Variants in LRCH2 observed in about 807,000 individuals in gnomAD.
LRCH2 encodes the protein leucine rich repeats and calponin homology domain containing 2, also known as leucine-rich repeat and calponin homology domain-containing protein 2.
LRCH2 carries 38 observed loss-of-function variants against 68.9 expected under a neutral mutation model. The ratio of observed to expected loss-of-function variants is 0.55; its 90% CI spans 0.43 to 0.72. The LOEUF is 0.72. LRCH2 is among the 30% of genes least tolerant of loss of function. LRCH2 has a pLI of 0.00. For missense variants in LRCH2, 528 were observed against 572.9 expected (o/e 0.92, Z 0.80); for synonymous variants, 191 against 208.1 (o/e 0.92, Z 0.71).
chrX:115,155,307 G>A (rs1383081200), intron 12 of LRCH2, among the ~76,000 whole-genome samples: 9 of 109,926 alleles, frequency 8.2e-5, no homozygotes, highest in African/African-American at 2.6e-4. Flanking sequence ...CCCACGTACT[G>A]CTGAAAAAAG....
At chrX:115,210,742 G>A (rs782374573) in intron 1 of LRCH2, among the ~76,000 whole-genome samples, 9 of 111,619 alleles carry the variant, frequency 8.1e-5, no homozygotes, top group African/African-American at 1.6e-4. Context: ...AAGCAGCCAG[G>A]AGGGAGGCTG....
chrX:115,153,008 T>C (rs782102446), intron 12 of LRCH2, among the ~76,000 whole-genome samples: 31 of 109,829 alleles, frequency 2.8e-4, no homozygotes, highest in Non-Finnish European at 5.7e-4. Flanking sequence ...AGCCAAAATA[T>C]CTTTCAAAAA....
In LRCH2 at chrX:115,123,374, G is replaced by A. The variant is rs782387334; in HGVS notation, c.1850-182C>T. Among the ~76,000 whole-genome samples, 5 of 111,887 alleles carry A rather than the reference G, an allele frequency of 4.5e-5. No homozygotes were observed. In the South Asian group the frequency reaches 1.5e-3, roughly 33 times the overall value. ...TTTATGTGCATAATTGAAAGCAACAGGGAAGATAAGTGTAATGATTTCTAC... is the reference window on the plus strand; with the variant it reads ...TTTATGTGCATAATTGAAAGCAACAAGGAAGATAAGTGTAATGATTTCTAC... On this transcript the variant is annotated intron_variant, in intron 17 of 20. Coordinates refer to ENST00000317135, the MANE Select transcript of LRCH2 (RefSeq NM_020871.4).
Position 115,126,826 on chromosome X carries a change from A to G in LRCH2, c.1791+17T>C. ...TACAAAACGTATTTTTAAGACAAAT[A>G]AAAACAGAACTTGTACCTCAGATGA... is the stretch of plus-strand genomic sequence containing the variant. On this transcript the variant is annotated intron_variant, in intron 16 of 20. Coordinates refer to ENST00000317135, the MANE Select transcript of LRCH2 (RefSeq NM_020871.4). 2.8e-6 allele frequency: 3 copies of G among 1,087,134 alleles called. No individual in the cohort carries two copies. Among genetic ancestry groups the G allele is most frequent in the East Asian group, 3.7e-5 (1 of 27,380 alleles). The allele number at this position is 1,087,134 out of a possible 1,213,427, so 89.6% of individuals were successfully genotyped here. A position where few individuals can be genotyped will look rare whatever the true frequency, so the allele number is the denominator to read the frequency against.
chrX:115,189,680 T>C, intron 1 of LRCH2: 1 of 1,168,349 alleles, frequency 8.6e-7, no homozygotes, highest in Non-Finnish European at 1.1e-6. Flanking sequence ...AAGGCCATCA[T>C]GGTGGCCCAG....
Position 115,113,159 on chromosome X carries a change from T to G in LRCH2, c.*57A>C, listed in dbSNP as rs2072055677. 9.8e-7 allele frequency: 1 copy of G among 1,016,646 alleles called. No homozygotes were observed. Among genetic ancestry groups the G allele is most frequent in the Admixed American group, 3.0e-5 (1 of 32,862 alleles). The allele number at this position is 1,016,646 out of a possible 1,213,427, so 83.8% of individuals were successfully genotyped here. On this transcript the variant is annotated 3_prime_UTR_variant, in exon 21 of 21. Coordinates refer to ENST00000317135, the MANE Select transcript of LRCH2 (RefSeq NM_020871.4). The stretch of plus-strand genomic sequence containing the variant: ...AATATTCTTATTCATGAATTTGAAA[T>G]ATTTGAAATCACTTCAAATAAATGA...
In LRCH2 at chrX:115,155,938, A is replaced by C. The variant is rs192708644; in HGVS notation, c.1529+664T>G. On this transcript the variant is annotated intron_variant, in intron 12 of 20. Coordinates refer to ENST00000317135, the MANE Select transcript of LRCH2 (RefSeq NM_020871.4). ...TTTATTCTAAAAGTTGTAAAGAGTC[A>C]TTAGAAGATAATAAATGGGAGTCAC... 2.2e-3 allele frequency among the ~76,000 whole-genome samples: 245 copies of C among 111,993 alleles called. 2 individuals are homozygous for C. The highest frequency in any genetic ancestry group is 2.9e-3 in the Non-Finnish European group (155 of 53,156).
At chrX:115,211,654 C>T (rs2073007884) in intron 1 of LRCH2, among the ~76,000 whole-genome samples, 1 of 111,826 alleles carries the variant, frequency 8.9e-6, no homozygotes, top group South Asian at 3.8e-4. Context: ...TGATTTTCCA[C>T]TCCTTTAACA....
intron 20 of LRCH2, 29 bp from the exon 21 acceptor site, chrX:115,113,364 T>C: frequency 1.8e-6 from 2 of 1,110,781 alleles, no homozygotes; most frequent in Non-Finnish European, 2.4e-6. Context: ...TATTTGAACA[T>C]TCATTTTTTA....
chrX:115,113,135 A>C lies in LRCH2; in HGVS notation c.*81T>G. ...CCTAAGGCAAACTATTTTTGACGGAATATTCTTATTCATGAATTTGAAATA... is the reference window on the plus strand; with the variant it reads ...CCTAAGGCAAACTATTTTTGACGGACTATTCTTATTCATGAATTTGAAATA... On this transcript the variant is annotated 3_prime_UTR_variant, in exon 21 of 21. Coordinates refer to ENST00000317135, the MANE Select transcript of LRCH2 (RefSeq NM_020871.4). The C allele has an allele frequency of 1.1e-6, 1 of 943,035 alleles. No homozygotes were observed. Among genetic ancestry groups the C allele is most frequent in the Non-Finnish European group, 1.4e-6 (1 of 708,479 alleles). 77.7% of individuals were successfully genotyped at this position (943,035 alleles called of 1,213,427 possible).
chrX:115,189,961 G>T, intron 1 of LRCH2: 1 of 1,162,782 alleles, frequency 8.6e-7, no homozygotes, highest in Non-Finnish European at 1.1e-6. Context: ...GGCTCACAGC[G>T]TTGGCTGTGG....
At position 115,184,422 on chromosome X, in the gene LRCH2, A is replaced by T. The variant is rs781971841; in HGVS notation, c.610T>A (p.Leu204Ile). The T allele has an allele frequency of 1.7e-6, 2 of 1,171,586 alleles. No homozygotes were observed. Among genetic ancestry groups the T allele is most frequent in the South Asian group, 2.0e-5 (1 of 48,908 alleles). ...IPEEIGKLKD[L>I]MELDISCNEI... is the part of the protein sequence containing the mutation. ...ACTAAGTTACTCACCAATTCCATTA[A>T]ATCTTTTAACTTCCCAATTTCTTCT... Residue 204 changes from leucine to isoleucine, a missense_variant, in exon 3 of 21, where the codon TTA (leucine) becomes ATA (isoleucine). Physicochemically the swap from Leu to Ile is conservative, Grantham distance 5. Transcript: ENST00000317135.
intron 1 of LRCH2, chrX:115,192,372 CGGA>C: frequency 4.3e-6 from 5 of 1,159,043 alleles, no homozygotes; most frequent in Non-Finnish European, 4.6e-6. Context: ...GCGACCGCTA[CGGA>C]GGAGGAGGCC....
At chrX:115,199,169 G>A (rs1407178350) in intron 1 of LRCH2, among the ~76,000 whole-genome samples, 1 of 111,624 alleles carries the variant, frequency 9.0e-6, no homozygotes, top group African/African-American at 3.3e-5. Context: ...CACAAAGGAG[G>A]AAGAAAAAGG....
chrX:115,221,938 GA>G (rs75651669), intron 1 of LRCH2, among the ~76,000 whole-genome samples: 296 of 85,688 alleles, frequency 3.5e-3, no homozygotes, highest in African/African-American at 7.3e-3. Context: ...ATATTAACAG[GA>G]AAAAAAAAAA....
At chrX:115,163,100 G>C (rs926063140) in intron 11 of LRCH2, among the ~76,000 whole-genome samples, 6 of 111,504 alleles carry the variant, frequency 5.4e-5, no homozygotes, top group African/African-American at 2.0e-4. Flanking sequence ...AATGGTCTTT[G>C]ACCAAGAAAC....
chrX:115,167,695 T>C (rs782265431), intron 6 of LRCH2, among the ~76,000 whole-genome samples: 4 of 111,545 alleles, frequency 3.6e-5, no homozygotes, highest in Non-Finnish European at 7.6e-5. Context: ...AGGGGAAAAA[T>C]TATAACATTT....
chrX:115,169,606 T>C (rs1295304252), intron 6 of LRCH2, among the ~76,000 whole-genome samples: 2 of 111,693 alleles, frequency 1.8e-5, no homozygotes, highest in African/African-American at 6.5e-5. Flanking sequence ...ATATAAAATT[T>C]ATATATATGC....
chrX:115,165,803 G>A (rs782194554), intron 8 of LRCH2, 38 bp downstream of exon 8: 1 of 1,031,438 alleles, frequency 9.7e-7, no homozygotes, highest in African/African-American at 1.9e-5. Flanking sequence ...TGTGGGCTAT[G>A]TACATGAAAC....
Sources: gnomAD v4.1 joint callset for allele counts (sites outside exome capture counted in the v4.1 genomes callset) on GRCh38, gnomAD v4.1.1 for gene constraint, MANE v1.5 for transcripts, NCBI Gene and HGNC (gene_info 2026-07-23, HGNC 2026-07-21) for gene names.